FSD2: variants seen among roughly 807,000 people sequenced by gnomAD.
The protein encoded by FSD2 is fibronectin type III and SPRY domain containing 2, also known as fibronectin type III and SPRY domain-containing protein 2.
Under a neutral mutation model 80.4 loss-of-function variants are expected in FSD2, and 71 were observed. The observed-to-expected ratio is 0.88, with a 90% CI of 0.73 to 1.08. The LOEUF (loss-of-function observed/expected upper bound fraction) is 1.08, where lower values mean the gene tolerates loss of function less well. FSD2 is among the 50% of genes least tolerant of loss of function. FSD2 has a pLI of 0.00. For synonymous variants in FSD2, 361 were observed against 329.5 expected, an observed-to-expected ratio of 1.10 and a Z score of -1.03; for missense variants, 923 against 913.8, an observed-to-expected ratio of 1.01 and a Z score of -0.13.
At chr15:82,772,249 AG>A (rs1468475161) in intron 6 of FSD2, 21 bp from the exon 7 acceptor site, 13 of 1,594,434 alleles carry the variant, frequency 8.2e-6, no homozygotes, top group Non-Finnish European at 1.0e-5. Flanking sequence ...AAAAGAAAAA[AG>A]AAGAGGAACC....
chr15:82,761,801 C>T (rs755001993), intron 12 of FSD2, among the ~76,000 whole-genome samples: 24 of 151,864 alleles, frequency 1.6e-4, no homozygotes, highest in Non-Finnish European at 3.1e-4. Context: ...CAGGTGCACA[C>T]CACTGCACCC....
rs1486643275 is a variant in FSD2, at chr15:82,756,723, T to C, written c.*2625A>G. On this transcript the variant is annotated 3_prime_UTR_variant, in exon 13 of 13. Transcript: ENST00000334574. ...GGTTTTACATATTCTTTTTCCCCTT[T>C]GTTAAGGTGGGGAGGCCACAGCTTA... 1 of 152,242 alleles carries C rather than the reference T, an allele frequency of 6.6e-6. No individual in the cohort carries two copies. The highest frequency in any genetic ancestry group is 2.4e-5 in the African/African-American group (1 of 41,448). The allele number at this position is 152,242 out of a possible 1,614,324, so 9.4% of individuals were successfully genotyped here. A position where few individuals can be genotyped will look rare whatever the true frequency, so the allele number is the denominator to read the frequency against.
At chr15:82,783,258 C>T (rs1449574745) in intron 3 of FSD2, among the ~76,000 whole-genome samples, 1 of 151,896 alleles carries the variant, frequency 6.6e-6, no homozygotes, top group Admixed American at 6.6e-5. Flanking sequence ...ATCACCATGC[C>T]CGGCTAATTT....
intron 3 of FSD2, among the ~76,000 whole-genome samples, chr15:82,783,615 A>T (rs570117512): frequency 6.6e-6 from 1 of 152,154 alleles, no homozygotes; most frequent in Non-Finnish European, 1.5e-5. Context: ...ACTACCTTCT[A>T]TCACCATGAC....
At chr15:82,795,879 A>G (rs973907405) in intron 1 of FSD2, among the ~76,000 whole-genome samples, 2 of 152,078 alleles carry the variant, frequency 1.3e-5, no homozygotes, top group Non-Finnish European at 2.9e-5. Flanking sequence ...ATAGGAGAGT[A>G]ATTATGAAGA....
At chr15:82,803,466 C>A (rs2050460544) in intron 1 of FSD2, among the ~76,000 whole-genome samples, 1 of 152,120 alleles carries the variant, frequency 6.6e-6, no homozygotes, top group African/African-American at 2.4e-5. Context: ...CCTTCCCTAG[C>A]GGTAACCCTC....
At chr15:82,774,254 T>C (rs1360887525) in intron 6 of FSD2, among the ~76,000 whole-genome samples, 7 of 152,156 alleles carry the variant, frequency 4.6e-5, no homozygotes, top group Admixed American at 1.3e-4. Flanking sequence ...TAAGATTTTT[T>C]TTGTAGAGAT....
chr15:82,782,752 T>G, intron 4 of FSD2, 43 bp downstream of exon 4: 1 of 1,466,514 alleles, frequency 6.8e-7, no homozygotes, highest in Non-Finnish European at 9.4e-7. Context: ...TAATTCCATC[T>G]CTTTCCATTA....
At position 82,769,767 on chromosome 15, in the gene FSD2, C is replaced by T. The variant is rs201293681; in HGVS notation, c.1385G>A (p.Arg462His). The T allele has an allele frequency of 4.4e-5, 71 of 1,613,796 alleles. No homozygotes were observed. Among genetic ancestry groups the T allele is most frequent in the Non-Finnish European group, 5.2e-5 (61 of 1,179,844 alleles). Residue 462 changes from arginine to histidine, a missense_variant, in exon 8 of 13, where the codon CGT becomes CAT. Arg to His is a conservative substitution (Grantham distance 29). Transcript: ENST00000334574. ...NRAGPSPSSE[R>H]AVYMTAPSPP... ...CCCATTACCTGTCATGTACACTGCA[C>T]GCTCGCTAGAGGGGCTGGGGCCAGC... is the stretch of plus-strand genomic sequence containing the variant.
chr15:82,760,076 G>T (rs541579260), intron 12 of FSD2, among the ~76,000 whole-genome samples: 2 of 152,322 alleles, frequency 1.3e-5, no homozygotes, highest in East Asian at 3.9e-4. Flanking sequence ...TTACAAGTGT[G>T]AGCCACTGCT....
chr15:82,802,486 T>A (rs1224730277), intron 1 of FSD2, among the ~76,000 whole-genome samples: 1 of 152,168 alleles, frequency 6.6e-6, no homozygotes, highest in Admixed American at 6.5e-5. Context: ...CACACTCCTG[T>A]ATGTCAGATT....
At position 82,769,617 on chromosome 15, in the gene FSD2, A is replaced by G. The variant is rs1166161306; in HGVS notation, c.1402+133T>C. The G allele has an allele frequency of 6.7e-5, 77 of 1,150,688 alleles. No individual in the cohort carries two copies. In the South Asian group the frequency reaches 1.5e-3, roughly 22 times the overall value. 71.3% of individuals were successfully genotyped at this position (1,150,688 alleles called of 1,614,324 possible). The stretch of plus-strand genomic sequence containing the variant: ...TAGGCATGTAGATTTTGTGTGTTAA[A>G]TAAAAGAAAAAAATGTACACAGCTC... On this transcript the variant is annotated intron_variant, in intron 8 of 12. Transcript: ENST00000334574.
chr15:82,765,962 A>G lies in FSD2; in HGVS notation c.1623T>C (p.Tyr541=), dbSNP rs1187333639. The change falls in exon 10 of 13, where the codon TAT becomes TAC. Residue 541 remains tyrosine, a synonymous_variant. Transcript: ENST00000334574. ...GGCCCCCCATATTGAGGGCTCGCAC[A>G]TAGATAATGTAGCTCCGCCCCGGCT... is the stretch of plus-strand genomic sequence containing the variant. ...QLQPGRSYII[Y]VRALNMGGPS... is the part of the protein sequence containing the mutation. The G allele has an allele frequency of 6.2e-7, 1 of 1,605,800 alleles. No homozygotes were observed. Among genetic ancestry groups the G allele is most frequent in the East Asian group, 2.2e-5 (1 of 44,676 alleles).
chr15:82,761,494 T>C (rs191123835), intron 12 of FSD2, among the ~76,000 whole-genome samples: 2 of 152,216 alleles, frequency 1.3e-5, no homozygotes, highest in African/African-American at 2.4e-5. Flanking sequence ...GCAAACTGTA[T>C]TGGCTTAATA....
intron 6 of FSD2, among the ~76,000 whole-genome samples, chr15:82,777,732 A>G (rs2049746145): frequency 6.6e-6 from 1 of 151,834 alleles, no homozygotes; most frequent in Non-Finnish European, 1.5e-5. Context: ...CTGTAATCTC[A>G]ACTACTTAGG....
At position 82,757,766 on chromosome 15, in the gene FSD2, C is replaced by T. The variant is rs1262152884; in HGVS notation, c.*1582G>A. On this transcript the variant is annotated 3_prime_UTR_variant, in exon 13 of 13. Transcript: ENST00000334574. ...GCAGGATAGGTGTGTGTGTGTATAA[C>T]GAGTTATTAAATTGTCAGTGTGAAT... 6.6e-6 allele frequency: 1 copy of T among 152,082 alleles called. No homozygotes were observed. Among genetic ancestry groups the T allele is most frequent in the Non-Finnish European group, 1.5e-5 (1 of 68,024 alleles). The allele number at this position is 152,082 out of a possible 1,614,324, so 9.4% of individuals were successfully genotyped here.
At chr15:82,771,996 C>T (rs1222114390) in intron 7 of FSD2, 77 bp downstream of exon 7, 2 of 1,400,110 alleles carry the variant, frequency 1.4e-6, no homozygotes, top group Middle Eastern at 2.5e-4. Context: ...TCCCAACTGC[C>T]AGGAAGACAG....
chr15:82,763,852 T>A (rs910366419), intron 11 of FSD2, among the ~76,000 whole-genome samples: 2 of 152,214 alleles, frequency 1.3e-5, no homozygotes, highest in Non-Finnish European at 2.9e-5. Context: ...TTTCTCCGAC[T>A]TTCCTGCCTC....
At chr15:82,785,034 A>C (rs2049962045) in intron 3 of FSD2, among the ~76,000 whole-genome samples, 1 of 152,210 alleles carries the variant, frequency 6.6e-6, no homozygotes, top group Non-Finnish European at 1.5e-5. Context: ...ATACCTTGTC[A>C]AGGCTGAACC....
Sources: gnomAD v4.1 joint callset for allele counts (sites outside exome capture counted in the v4.1 genomes callset) on GRCh38, gnomAD v4.1.1 for gene constraint, MANE v1.5 for transcripts, NCBI Gene and HGNC (gene_info 2026-07-23, HGNC 2026-07-21) for gene names.